The following PDGFRB variants were observed in gnomAD, a reference collection of about 807,000 sequenced individuals.
PDGFRB encodes platelet derived growth factor receptor beta.
In PDGFRB, 42 loss-of-function variants were observed where a neutral mutation model predicts 120.2. That is an observed-to-expected ratio of 0.35 (90% CI 0.27 to 0.45). PDGFRB has a LOEUF of 0.45. PDGFRB is among the 20% of genes least tolerant of loss of function. The pLI, the probability that PDGFRB is intolerant of heterozygous loss-of-function variation, is 1.00. For missense variants in PDGFRB, 1,149 were observed against 1,476.3 expected, an observed-to-expected ratio of 0.78 and a Z score of 3.63; for synonymous variants, 586 against 606.8, an observed-to-expected ratio of 0.97 and a Z score of 0.50.
Position 150,114,344 on chromosome 5 carries a change from CT to C in PDGFRB, c.*1418del, listed in dbSNP as rs1395119051. On this transcript the variant is annotated 3_prime_UTR_variant, in exon 23 of 23. Transcript: ENST00000261799. ...TTCTTGGGGTACCCATCTGAAGCTT[CT>C]TGTCTTTTACAAGACATAACTGTCC... 4.3e-6 allele frequency: 1 copy of C among 232,184 alleles called. No homozygotes were observed. Among genetic ancestry groups the C allele is most frequent in the Non-Finnish European group, 8.5e-6 (1 of 117,888 alleles). 14.4% of individuals were successfully genotyped at this position (232,184 alleles called of 1,614,324 possible). A position where few individuals can be genotyped will look rare whatever the true frequency, so the allele number is the denominator to read the frequency against.
intron 15 of PDGFRB, 180 bp from the exon 16 acceptor site, chr5:150,122,220 C>T: frequency 3.4e-6 from 2 of 586,596 alleles, no homozygotes; most frequent in Non-Finnish European, 6.1e-6. Flanking sequence ...CCAAGCTGGG[C>T]ACTGAGGCTA....
intron 14 of PDGFRB, among the ~76,000 whole-genome samples, chr5:150,123,641 G>T (rs1044073599): frequency 6.6e-6 from 1 of 152,210 alleles, no homozygotes; most frequent in African/African-American, 2.4e-5. Context: ...CAATCAGTGA[G>T]AACTTGAAGA....
intron 10 of PDGFRB, 121 bp downstream of exon 10, chr5:150,129,636 C>A: frequency 1.4e-6 from 1 of 725,136 alleles, no homozygotes; most frequent in Non-Finnish European, 2.3e-6. Context: ...CACAATGCTC[C>A]TGTTTGCCCC....
At chr5:150,147,168 G>A (rs1760945607) in intron 1 of PDGFRB, among the ~76,000 whole-genome samples, 1 of 152,148 alleles carries the variant, frequency 6.6e-6, no homozygotes, top group Non-Finnish European at 1.5e-5. Context: ...CCCTGTGGGG[G>A]CCCCAGCACC....
chr5:150,133,108 G>A (rs576587401), intron 6 of PDGFRB, among the ~76,000 whole-genome samples, 166 bp from the exon 7 acceptor site: 1 of 152,218 alleles, frequency 6.6e-6, no homozygotes, highest in Non-Finnish European at 1.5e-5. Context: ...TGGAGAAGGG[G>A]CCGAATTTGG....
chr5:150,133,067 C>T, intron 6 of PDGFRB, 125 bp from the exon 7 acceptor site: 2 of 697,140 alleles, frequency 2.9e-6, no homozygotes, highest in Admixed American at 5.7e-5. Context: ...GTTTCCGGAG[C>T]TGAGGTTGAA....
rs2113892877 is a variant in PDGFRB at position 150,123,084 on chromosome 5, T to C, written c.2141A>G (p.Glu714Gly). Residue 714 changes from glutamate (E) to glycine (G), a missense_variant, in exon 15 of 23, where the codon GAG becomes GGG. Coordinates refer to ENST00000261799, the MANE Select transcript of PDGFRB (RefSeq NM_002609.4). ...AACGGGCAGAGCATTGCTGTAGAGC[T>C]CCGCGCTGGGCGGGCGGCGCTTGTC... ...HSDKRRPPSA[E>G]LYSNALPVGL... is the part of the protein sequence containing the mutation. 6.2e-7 allele frequency: 1 copy of C among 1,613,830 alleles called. No homozygotes were observed. The highest frequency in any genetic ancestry group is 8.5e-7 in the Non-Finnish European group (1 of 1,179,992).
intron 1 of PDGFRB, 93 bp downstream of exon 1, chr5:150,155,297 CTTTTTTT>C (rs35505256): frequency 2.8e-4 from 33 of 119,946 alleles, no homozygotes; most frequent in East Asian, 4.6e-4. Flanking sequence ...AATATCTTCC[CTTTTTTT>C]TTTTTTTTTT....
chr5:150,147,250 G>GC (rs1465744970), intron 1 of PDGFRB, among the ~76,000 whole-genome samples: 1 of 152,122 alleles, frequency 6.6e-6, no homozygotes, highest in African/African-American at 2.4e-5. Context: ...TCCTGCTGCT[G>GC]CCCTCCCCAT....
rs1759897152 is a variant in PDGFRB at position 150,115,397 on chromosome 5, A to C, written c.*366T>G. The C allele has an allele frequency of 4.0e-6, 1 of 248,604 alleles. No homozygotes were observed. Among genetic ancestry groups the C allele is most frequent in the East Asian group, 5.9e-5 (1 of 16,942 alleles). 15.4% of individuals were successfully genotyped at this position (248,604 alleles called of 1,614,324 possible). A position where few individuals can be genotyped will look rare whatever the true frequency, so the allele number is the denominator to read the frequency against. On this transcript the variant is annotated 3_prime_UTR_variant, in exon 23 of 23. Transcript: ENST00000261799. ...GTTAATTTACCACCTCAGTAACTCC[A>C]AGAATCTTCCCAGGGAGGGATTCGG...
chr5:150,133,544 C>T (rs1169962698), intron 6 of PDGFRB, 42 bp downstream of exon 6: 6 of 1,536,298 alleles, frequency 3.9e-6, no homozygotes, highest in Admixed American at 1.7e-5. Context: ...GGGTGGGGAG[C>T]GTTGAAGGAA....
At chr5:150,142,338 C>T (rs1760806344) in intron 1 of PDGFRB, among the ~76,000 whole-genome samples, 1 of 152,146 alleles carries the variant, frequency 6.6e-6, no homozygotes, top group African/African-American at 2.4e-5. Flanking sequence ...CTGCCCCTGC[C>T]CTCTCCACAG....
chr5:150,137,423 G>A (rs1760663880), intron 1 of PDGFRB: 1 of 195,242 alleles, frequency 5.1e-6, no homozygotes. Flanking sequence ...CTGTCCTCCG[G>A]GTGACAGTTC....
At position 150,114,169 on chromosome 5, in the gene PDGFRB, G is replaced by T. The variant is rs1759847855; in HGVS notation, c.*1594C>A. The T allele has an allele frequency of 4.3e-6, 1 of 233,142 alleles. No homozygotes were observed. Among genetic ancestry groups the T allele is most frequent in the Non-Finnish European group, 8.5e-6 (1 of 117,930 alleles). The allele number at this position is 233,142 out of a possible 1,614,324, so 14.4% of individuals were successfully genotyped here. A position where few individuals can be genotyped will look rare whatever the true frequency, so the allele number is the denominator to read the frequency against. On this transcript the variant is annotated 3_prime_UTR_variant, in exon 23 of 23. Transcript: ENST00000261799. ...CTTGGCTACAACCCTGACTCCCCTG[G>T]CACCTCCAATGCCCACTGGGCTGGG...
Position 150,121,169 on chromosome 5 carries a change from C to T in PDGFRB, c.2463+35G>A, listed in dbSNP as rs2113889328. ...GCTGGCTGGGTGACCCACCTCCCCA[C>T]AGCCCCCACTCTGCCCCACCAACAC... On this transcript the variant is annotated intron_variant, in intron 17 of 22. Transcript: ENST00000261799. This position sits in a 1 kb window ranked among gnomAD's most constrained non-coding sequence, Gnocchi z 4.1. 7.6e-7 allele frequency: 1 copy of T among 1,312,508 alleles called. No homozygotes were observed. The highest frequency in any genetic ancestry group is 1.1e-6 in the Non-Finnish European group (1 of 904,554). 81.3% of individuals were successfully genotyped at this position (1,312,508 alleles called of 1,614,324 possible).
chr5:150,120,745 C>T lies in PDGFRB; in HGVS notation c.2586+143G>A. The stretch of plus-strand genomic sequence containing the variant: ...CCCTGCACACATAGCTGGGCAGGCA[C>T]AGCCCATCACTGCTGTCAGGGCAGG... On this transcript the variant is annotated intron_variant, in intron 18 of 22. Coordinates refer to ENST00000261799, the MANE Select transcript of PDGFRB (RefSeq NM_002609.4). The surrounding 1 kb of genome is among the most constrained non-coding windows in gnomAD (Gnocchi z 4.3). 1 of 773,802 alleles carries T rather than the reference C, an allele frequency of 1.3e-6. No individual in the cohort carries two copies. The allele number at this position is 773,802 out of a possible 1,614,324, so 47.9% of individuals were successfully genotyped here.
chr5:150,153,836 C>T (rs1761148001), intron 1 of PDGFRB: 1 of 152,104 alleles, frequency 6.6e-6, no homozygotes, highest in South Asian at 2.1e-4. Context: ...GGAAGGGCAC[C>T]TGTGAGAAGG....
intron 1 of PDGFRB, among the ~76,000 whole-genome samples, chr5:150,138,442 T>G (rs893629333): frequency 6.6e-6 from 1 of 152,208 alleles, no homozygotes; most frequent in Non-Finnish European, 1.5e-5. Context: ...CTACCAGGGC[T>G]GCATTCACAT....
chr5:150,138,610 C>G (rs1760700644), intron 1 of PDGFRB, among the ~76,000 whole-genome samples: 2 of 152,232 alleles, frequency 1.3e-5, no homozygotes, highest in South Asian at 4.1e-4. Flanking sequence ...TTCCTCTCCC[C>G]TCTCTGAACT....
Sources: gnomAD v4.1 joint callset for allele counts (sites outside exome capture counted in the v4.1 genomes callset) on GRCh38, gnomAD v4.1.1 for gene constraint, Gnocchi (gnomAD v3.1) non-coding constraint, MANE v1.5 for transcripts, NCBI Gene and HGNC (gene_info 2026-07-23, HGNC 2026-07-21) for gene names.